PRKAG2: variants seen among roughly 807,000 people sequenced by gnomAD.
The protein encoded by PRKAG2 is 5'-AMP-activated protein kinase subunit gamma-2.
A neutral mutation model predicts 69.6 loss-of-function variants in PRKAG2; 26 were observed. That is an observed-to-expected ratio of 0.37 (90% CI 0.27 to 0.52). The LOEUF (loss-of-function observed/expected upper bound fraction) is 0.52, where lower values mean the gene tolerates loss of function less well. PRKAG2 is among the 20% of genes least tolerant of loss of function. The probability of loss-of-function intolerance (pLI) is 0.90; values close to 1 mark genes in which losing one functional copy is unlikely to be tolerated. For synonymous variants in PRKAG2, 293 were observed against 285.0 expected (o/e 1.03, Z -0.28); for missense variants, 557 against 740.0 (o/e 0.75, Z 2.87).
In PRKAG2 at chr7:151,714,551, T is replaced by C. The variant is rs185219251; in HGVS notation, c.467-38914A>G. 9.0e-4 allele frequency among the ~76,000 whole-genome samples: 136 copies of C among 151,628 alleles called. 1 individual carries two copies. The highest frequency in any genetic ancestry group is 6.5e-3 in the Admixed American group (99 of 15,186). ...GGTGGCCTTGCCCTTCGTGTATCTG[T>C]TCAGGGCCATTGGTGAACAGAGAAA... On this transcript the variant is annotated intron_variant, in intron 3 of 15. Coordinates refer to ENST00000287878, the MANE Select transcript of PRKAG2 (RefSeq NM_016203.4).
chr7:151,659,643 C>A (rs1387591451), intron 4 of PRKAG2, among the ~76,000 whole-genome samples: 1 of 152,140 alleles, frequency 6.6e-6, no homozygotes. Context: ...CCTTTAATTG[C>A]CCATTTGTAA....
intron 3 of PRKAG2, among the ~76,000 whole-genome samples, chr7:151,708,994 A>G (rs1751273330): frequency 2.0e-5 from 3 of 152,176 alleles, no homozygotes; most frequent in Admixed American, 6.5e-5. Context: ...GGGGCCGGAA[A>G]CCATGACACT....
intron 5 of PRKAG2, among the ~76,000 whole-genome samples, chr7:151,608,532 GAA>G (rs1336697624): frequency 1.4e-4 from 22 of 152,144 alleles, no homozygotes; most frequent in African/African-American, 4.6e-4. Context: ...CAGGCCCCTG[GAA>G]GGTTCATTGT....
In PRKAG2 at chr7:151,641,146, G is replaced by A. The variant is rs117035032; in HGVS notation, c.685-9008C>T. Among the ~76,000 whole-genome samples, 1,007 of 151,960 alleles carry A rather than the reference G, an allele frequency of 6.6e-3. 8 individuals are homozygous for A. Among genetic ancestry groups the A allele is most frequent in the Non-Finnish European group, 0.011 (720 of 68,014 alleles). ...AGATTCTATCTGAGGACCAAAGTTC[G>A]CTGGCAGTATGAGATCCTGGCATGG... On this transcript the variant is annotated intron_variant, in intron 4 of 15. Transcript: ENST00000287878.
intron 3 of PRKAG2, among the ~76,000 whole-genome samples, chr7:151,770,031 G>A (rs548058596): frequency 9.2e-5 from 14 of 152,176 alleles, no homozygotes; most frequent in Non-Finnish European, 1.9e-4. Flanking sequence ...ATGAGAGGTC[G>A]GATGTGCCTC....
Position 151,677,895 on chromosome 7 carries a change from C to T in PRKAG2, c.467-2258G>A, listed in dbSNP as rs76229376. On this transcript the variant is annotated intron_variant, in intron 3 of 15. Coordinates refer to ENST00000287878, the MANE Select transcript of PRKAG2 (RefSeq NM_016203.4). The stretch of plus-strand genomic sequence containing the variant: ...GTCTACTCTGGCTCAGAAGGCTGCT[C>T]GATTTGCGAATCGTTCATTGCTCAG... Among the ~76,000 whole-genome samples, 362 of 152,338 alleles carry T rather than the reference C, an allele frequency of 2.4e-3. 3 individuals carry two copies. Among genetic ancestry groups the T allele is most frequent in the African/African-American group, 8.5e-3 (353 of 41,582 alleles).
At chr7:151,849,104 A>T (rs1402061675) in intron 1 of PRKAG2, among the ~76,000 whole-genome samples, 2 of 152,116 alleles carry the variant, frequency 1.3e-5, no homozygotes, top group Non-Finnish European at 2.9e-5. Context: ...GTGATCCTGG[A>T]ATACAGGGGC....
Position 151,748,374 on chromosome 7 carries a change from G to A in PRKAG2, c.466+32778C>T, listed in dbSNP as rs190563431. ...AAAAAAGTCAGAAAGGCATTTTAGG[G>A]GGTAATTTTCAAAAGATTGATTTTT... On this transcript the variant is annotated intron_variant, in intron 3 of 15. Coordinates refer to ENST00000287878, the MANE Select transcript of PRKAG2 (RefSeq NM_016203.4). Among the ~76,000 whole-genome samples the A allele has an allele frequency of 2.0e-5, 3 of 152,262 alleles. No homozygotes were observed. The East Asian group carries it at 5.8e-4, about 29-fold the overall frequency.
chr7:151,689,964 C>T (rs1048598142), intron 3 of PRKAG2, among the ~76,000 whole-genome samples: 14 of 152,120 alleles, frequency 9.2e-5, no homozygotes, highest in African/African-American at 7.2e-5. Context: ...TTAATTGGTA[C>T]GATTCTCCAC....
At chr7:151,564,493 CA>C (rs1805782769) in intron 13 of PRKAG2, among the ~76,000 whole-genome samples, 1 of 152,170 alleles carries the variant, frequency 6.6e-6, no homozygotes, top group African/African-American at 2.4e-5. Context: ...TATATCCTGC[CA>C]AAGACTGCCC....
intron 9 of PRKAG2, among the ~76,000 whole-genome samples, chr7:151,570,468 A>G: frequency 6.6e-6 from 1 of 152,232 alleles, no homozygotes; most frequent in Non-Finnish European, 1.5e-5. Context: ...ACAATGTGAC[A>G]GTAAGTGTTT....
chr7:151,771,530 G>A lies in PRKAG2; in HGVS notation c.466+9622C>T, dbSNP rs558335703. 6.6e-6 allele frequency among the ~76,000 whole-genome samples: 1 copy of A among 152,274 alleles called. No homozygotes were observed. The highest frequency in any genetic ancestry group is 2.1e-4 in the South Asian group (1 of 4,818). ...TTTGTATGCATGCAGTACACACAAT[G>A]CCATCTTTCCTAGAAGTCTCAGGCT... is the stretch of plus-strand genomic sequence containing the variant. On this transcript the variant is annotated intron_variant, in intron 3 of 15. Transcript: ENST00000287878. This position sits in a 1 kb window ranked among gnomAD's most constrained non-coding sequence, Gnocchi z 4.0.
intron 5 of PRKAG2, chr7:151,631,510 C>A: frequency 7.4e-6 from 2 of 271,900 alleles, no homozygotes; most frequent in Non-Finnish European, 7.8e-6. Flanking sequence ...GGAAAAAAAA[C>A]AACCAAGTGA....
intron 3 of PRKAG2, among the ~76,000 whole-genome samples, chr7:151,770,453 C>T (rs549778151): frequency 1.3e-5 from 2 of 152,220 alleles, no homozygotes; most frequent in Non-Finnish European, 2.9e-5. Context: ...CATTTGGCCA[C>T]GCTGTTCAGC....
intron 1 of PRKAG2, among the ~76,000 whole-genome samples, chr7:151,798,451 A>T (rs370336691): frequency 4.4e-4 from 67 of 152,026 alleles, no homozygotes; most frequent in African/African-American, 1.5e-3. Context: ...AGTAGCTGGG[A>T]TTACAGGTGT....
intron 6 of PRKAG2, among the ~76,000 whole-genome samples, chr7:151,588,943 C>T (rs1434353377): frequency 6.6e-6 from 1 of 152,248 alleles, no homozygotes; most frequent in African/African-American, 2.4e-5. Flanking sequence ...CCCCTCTCTA[C>T]TGTGCCAGTC....
At chr7:151,625,124 C>T (rs1256301097) in intron 5 of PRKAG2, among the ~76,000 whole-genome samples, 9 of 152,126 alleles carry the variant, frequency 5.9e-5, no homozygotes, top group Admixed American at 6.6e-5. Flanking sequence ...CAAAGAAGTG[C>T]GTCCCCCTAA....
chr7:151,790,889 G>A (rs1297863904), intron 1 of PRKAG2, among the ~76,000 whole-genome samples: 3 of 152,248 alleles, frequency 2.0e-5, no homozygotes, highest in Non-Finnish European at 4.4e-5. Flanking sequence ...ACGTCAAGAT[G>A]GTGTAAAAGA....
intron 1 of PRKAG2, among the ~76,000 whole-genome samples, chr7:151,792,393 C>A (rs2077305689): frequency 6.6e-6 from 1 of 152,206 alleles, no homozygotes; most frequent in Non-Finnish European, 1.5e-5. Context: ...GCTCCTCCTG[C>A]CCCCGGCCCG....
Sources: allele counts gnomAD v4.1 joint callset (sites outside exome capture counted in the v4.1 genomes callset), GRCh38; gene constraint gnomAD v4.1.1; non-coding constraint Gnocchi (gnomAD v3.1); transcripts MANE v1.5; gene names NCBI Gene and HGNC (gene_info 2026-07-23, HGNC 2026-07-21).